The following NRG3 variants were observed in gnomAD, a reference collection of about 807,000 sequenced individuals.
NRG3 encodes the protein pro-neuregulin-3, membrane-bound isoform.
NRG3 carries 31 observed loss-of-function variants against 66.9 expected under a neutral mutation model. The observed-to-expected ratio is 0.46, with a 90% CI of 0.35 to 0.63. NRG3 has a LOEUF of 0.63. Among genes scored for constraint, NRG3 ranks in the 20% least tolerant of loss-of-function variants. The pLI is 0.00. For synonymous variants in NRG3, 393 were observed against 359.4 expected, an observed-to-expected ratio of 1.09 and a Z score of -1.06; for missense variants, 910 against 878.9, an observed-to-expected ratio of 1.04 and a Z score of -0.45.
At chr10:82,517,237 AAC>A (rs1845744817) in intron 2 of NRG3, among the ~76,000 whole-genome samples, 1 of 152,098 alleles carries the variant, frequency 6.6e-6, no homozygotes, top group African/African-American at 2.4e-5. Context: ...ATGAGATTCT[AAC>A]AGTTCTATAC....
chr10:82,297,268 A>G (rs2080122335), intron 1 of NRG3, among the ~76,000 whole-genome samples: 1 of 114,190 alleles, frequency 8.8e-6, no homozygotes, highest in Non-Finnish European at 1.7e-5. Context: ...TTTTTGATAA[A>G]ACATTTTTTT....
At chr10:82,924,472 G>T (rs1846780219) in intron 4 of NRG3, among the ~76,000 whole-genome samples, 1 of 151,820 alleles carries the variant, frequency 6.6e-6, no homozygotes, top group Non-Finnish European at 1.5e-5. Context: ...CTACCATAAG[G>T]CAGAAGAGGA....
At position 81,911,469 on chromosome 10, in the gene NRG3, AATG is replaced by A. The variant is rs1845139127; in HGVS notation, c.823+35307_823+35309del. On this transcript the variant is annotated intron_variant, in intron 1 of 8. Transcript: ENST00000372141. ...GACTGAGAGAGATTTTTGCAGCTGCAATGGAAATGCCCTCTCGACAGTGTCACT... is the reference window on the plus strand; with the variant it reads ...GACTGAGAGAGATTTTTGCAGCTGCAGAAATGCCCTCTCGACAGTGTCACT... 3.9e-5 allele frequency among the ~76,000 whole-genome samples: 6 copies of A among 152,022 alleles called. No individual in the cohort carries two copies. In the South Asian group the frequency reaches 6.2e-4, roughly 16 times the overall value.
intron 1 of NRG3, among the ~76,000 whole-genome samples, chr10:82,302,366 G>A (rs1456520453): frequency 8.5e-5 from 13 of 152,106 alleles, no homozygotes; most frequent in Admixed American, 4.6e-4. Context: ...GTAATCATAC[G>A]TGTTTGTTGG....
chr10:82,533,112 T>A (rs1299589685), intron 2 of NRG3, among the ~76,000 whole-genome samples: 2 of 151,530 alleles, frequency 1.3e-5, no homozygotes, highest in African/African-American at 2.4e-5. Context: ...TTTCGAGAAA[T>A]GTATATCAAG....
At chr10:82,274,780 A>G (rs527572370) in intron 1 of NRG3, among the ~76,000 whole-genome samples, 3 of 152,108 alleles carry the variant, frequency 2.0e-5, no homozygotes, top group East Asian at 1.9e-4. Context: ...TTTGCATACT[A>G]TAGTGGTATT....
At chr10:82,814,451 A>T (rs989287207) in intron 3 of NRG3, among the ~76,000 whole-genome samples, 3 of 152,204 alleles carry the variant, frequency 2.0e-5, no homozygotes, top group Admixed American at 2.0e-4. Context: ...CAGAGGCCGC[A>T]TGGGGCTTCT....
chr10:82,700,652 A>G (rs2055797667), intron 2 of NRG3, among the ~76,000 whole-genome samples: 1 of 151,976 alleles, frequency 6.6e-6, no homozygotes, highest in East Asian at 1.9e-4. Context: ...TTTTAAAACC[A>G]TCTGTTTTGT....
chr10:82,014,347 AC>A (rs1431886458), intron 1 of NRG3, among the ~76,000 whole-genome samples: 1 of 152,160 alleles, frequency 6.6e-6, no homozygotes, highest in East Asian at 1.9e-4. Flanking sequence ...AATGTGACTT[AC>A]CCAAGGTCCC....
chr10:81,980,771 A>C (rs1224211464), intron 1 of NRG3, among the ~76,000 whole-genome samples: 2 of 152,190 alleles, frequency 1.3e-5, no homozygotes, highest in Admixed American at 1.3e-4. Flanking sequence ...AGTTGTTGGA[A>C]GATGTAGTTT....
chr10:81,915,491 CT>C (rs11344185), intron 1 of NRG3, among the ~76,000 whole-genome samples: 57,536 of 139,248 alleles, frequency 0.41, 14,916 homozygotes, highest in East Asian at 0.8. Flanking sequence ...GCTCACACTT[CT>C]TTAGTTTTTT....
intron 2 of NRG3, among the ~76,000 whole-genome samples, chr10:82,561,382 T>C (rs1195259217): frequency 6.6e-6 from 1 of 152,224 alleles, no homozygotes; most frequent in Admixed American, 6.5e-5. Context: ...CCAGGCACCA[T>C]GGCTCACGCC....
At chr10:82,640,708 G>A (rs2133808646) in intron 2 of NRG3, among the ~76,000 whole-genome samples, 1 of 152,200 alleles carries the variant, frequency 6.6e-6, no homozygotes, top group Non-Finnish European at 1.5e-5. Flanking sequence ...AAAAAATTAT[G>A]ACAATCATTT....
chr10:82,502,120 C>G (rs944748966), intron 2 of NRG3, among the ~76,000 whole-genome samples: 1 of 152,148 alleles, frequency 6.6e-6, no homozygotes, highest in African/African-American at 2.4e-5. Flanking sequence ...AATATCTTGG[C>G]AGGAGTTGAC....
chr10:82,923,277 C>T (rs1172031718), intron 4 of NRG3, among the ~76,000 whole-genome samples: 2 of 152,320 alleles, frequency 1.3e-5, no homozygotes, highest in African/African-American at 4.8e-5. Context: ...TTCCTCTCTC[C>T]ACTTACCAAC....
At chr10:82,557,860 A>C (rs2044752312) in intron 2 of NRG3, among the ~76,000 whole-genome samples, 1 of 152,184 alleles carries the variant, frequency 6.6e-6, no homozygotes, top group African/African-American at 2.4e-5. Context: ...CAAGGTCAAA[A>C]GGCTGGGAAG....
intron 2 of NRG3, among the ~76,000 whole-genome samples, chr10:82,671,548 G>A (rs2053276111): frequency 1.3e-5 from 2 of 152,214 alleles, no homozygotes; most frequent in Admixed American, 6.5e-5. Flanking sequence ...TGAACAGGGT[G>A]CAGAGCTTGG....
At chr10:82,042,999 A>C (rs549298485) in intron 1 of NRG3, among the ~76,000 whole-genome samples, 23 of 152,060 alleles carry the variant, frequency 1.5e-4, no homozygotes, top group Non-Finnish European at 3.2e-4. Context: ...TTATTCTGCT[A>C]TATTTGTCAT....
chr10:82,335,359 C>T (rs1230942512), intron 1 of NRG3, among the ~76,000 whole-genome samples: 1 of 152,112 alleles, frequency 6.6e-6, no homozygotes, highest in African/African-American at 2.4e-5. Flanking sequence ...CTATATTAGA[C>T]AACCTAGGAA....
Sources: allele counts gnomAD v4.1 joint callset (sites outside exome capture counted in the v4.1 genomes callset), GRCh38; gene constraint gnomAD v4.1.1; transcripts MANE v1.5; gene names NCBI Gene and HGNC (gene_info 2026-07-23, HGNC 2026-07-21).